The following FGF13 variants were observed in gnomAD, a reference collection of about 807,000 sequenced individuals.
FGF13 encodes fibroblast growth factor 13.
In FGF13, 2 loss-of-function variants were observed where a neutral mutation model predicts 19.5. That is an observed-to-expected ratio of 0.10 (90% CI 0.04 to 0.32). FGF13 has a LOEUF of 0.32. Ranked by LOEUF, FGF13 falls within the 10% of genes least tolerant of loss-of-function variation. FGF13 has a pLI of 1.00. For synonymous variants in FGF13, 72 were observed against 76.9 expected, an observed-to-expected ratio of 0.94 and a Z score of 0.33; for missense variants, 113 against 192.7, an observed-to-expected ratio of 0.59 and a Z score of 2.45.
At chrX:138,954,518 G>A (rs745411785) in intron 1 of FGF13, among the ~76,000 whole-genome samples, 8 of 111,360 alleles carry the variant, frequency 7.2e-5, no homozygotes. Flanking sequence ...ATTAATGCCT[G>A]TTTCAAATAT....
chrX:138,659,671 A>G (rs1244473523), intron 3 of FGF13, among the ~76,000 whole-genome samples: 2 of 112,238 alleles, frequency 1.8e-5, no homozygotes, highest in African/African-American at 6.5e-5. Context: ...ATGCCCATCA[A>G]TGATAGACTG....
At chrX:138,785,176 G>A (rs1454517868) in intron 3 of FGF13, among the ~76,000 whole-genome samples, 3 of 111,474 alleles carry the variant, frequency 2.7e-5, no homozygotes, top group African/African-American at 6.5e-5. Flanking sequence ...TCCTTACTTC[G>A]CTCCATGGCT....
chrX:138,901,930 T>C (rs754670913), intron 1 of FGF13, among the ~76,000 whole-genome samples: 17 of 112,283 alleles, frequency 1.5e-4, no homozygotes, highest in Admixed American at 2.8e-4. Context: ...AAATAATGGC[T>C]AATGGAGGAA....
At chrX:139,115,079 C>T (rs1056628126) in intron 1 of FGF13, among the ~76,000 whole-genome samples, 22 of 111,570 alleles carry the variant, frequency 2.0e-4, no homozygotes, top group African/African-American at 7.2e-4. Flanking sequence ...AGTGGTATGT[C>T]AACCTGAAAA....
chrX:138,922,664 C>CTTG (rs759421211), intron 1 of FGF13, among the ~76,000 whole-genome samples: 1 of 112,003 alleles, frequency 8.9e-6, no homozygotes, highest in Non-Finnish European at 1.9e-5. Context: ...TAGACATATA[C>CTTG]TTGATTCCTG....
Position 138,682,292 on chromosome X carries a change from T to C in FGF13, c.402+20692A>G, listed in dbSNP as rs571078679. ...AGCTGTCTATAAGTATATTTTGAAATGGAAAATATAATGCATTGCCATGTC... is the reference window on the plus strand; with the variant it reads ...AGCTGTCTATAAGTATATTTTGAAACGGAAAATATAATGCATTGCCATGTC... On this transcript the variant is annotated intron_variant, in intron 3 of 4. Coordinates refer to ENST00000315930, the MANE Select transcript of FGF13 (RefSeq NM_004114.5). Among the ~76,000 whole-genome samples the C allele has an allele frequency of 4.4e-5, 5 of 112,509 alleles. No individual in the cohort carries two copies. The South Asian group carries it at 1.5e-3, about 33-fold the overall frequency.
chrX:138,838,105 C>T (rs2091125258), intron 3 of FGF13, among the ~76,000 whole-genome samples: 1 of 111,948 alleles, frequency 8.9e-6, no homozygotes, highest in Admixed American at 9.4e-5. Context: ...GGCGCCCCAC[C>T]CTTCCCCCAG....
intron 1 of FGF13, among the ~76,000 whole-genome samples, chrX:139,016,514 T>C (rs2092153846): frequency 1.8e-5 from 2 of 111,827 alleles, no homozygotes; most frequent in Non-Finnish European, 3.8e-5. Context: ...AGTGATGGAG[T>C]TGTCCCAGCA....
chrX:138,872,382 C>T (rs17001804), intron 1 of FGF13, among the ~76,000 whole-genome samples: 11,381 of 111,000 alleles, frequency 0.1, 1,440 homozygotes, highest in African/African-American at 0.35. Flanking sequence ...AAATAGGTAC[C>T]CGGCAAATAT....
intron 2 of FGF13, among the ~76,000 whole-genome samples, chrX:138,706,591 G>A (rs1159185142): frequency 5.4e-5 from 6 of 110,486 alleles, no homozygotes; most frequent in Non-Finnish European, 9.5e-5. Flanking sequence ...ATAGTATCAC[G>A]AATACATATT....
chrX:139,097,288 T>G (rs956365221), intron 1 of FGF13, among the ~76,000 whole-genome samples: 1 of 110,826 alleles, frequency 9.0e-6, no homozygotes, highest in African/African-American at 3.3e-5. Context: ...TAAAATACAC[T>G]AAGACTAATG....
intron 3 of FGF13, among the ~76,000 whole-genome samples, chrX:138,845,708 T>A (rs1257473818): frequency 9.0e-6 from 1 of 111,384 alleles, no homozygotes; most frequent in African/African-American, 3.3e-5. Context: ...CACTAAATAT[T>A]CTGGGTACAT....
At chrX:138,674,829 A>C (rs987052583) in intron 3 of FGF13, among the ~76,000 whole-genome samples, 1 of 111,383 alleles carries the variant, frequency 9.0e-6, no homozygotes, top group Non-Finnish European at 1.9e-5. Flanking sequence ...CAAGGAACTG[A>C]GATGGCAGAG....
intron 3 of FGF13, among the ~76,000 whole-genome samples, chrX:138,838,662 T>A (rs1312967671): frequency 8.9e-6 from 1 of 111,886 alleles, no homozygotes; most frequent in Non-Finnish European, 1.9e-5. Context: ...GTGTTTACTG[T>A]CCTTTCCATT....
intron 1 of FGF13, among the ~76,000 whole-genome samples, chrX:138,722,467 T>G (rs1369035595): frequency 9.0e-6 from 1 of 111,105 alleles, no homozygotes; most frequent in Non-Finnish European, 1.9e-5. Context: ...AATTGGTCCA[T>G]GAGAGGACAG....
At chrX:138,996,929 G>C (rs1393397560) in intron 1 of FGF13, among the ~76,000 whole-genome samples, 1 of 111,809 alleles carries the variant, frequency 8.9e-6, no homozygotes, top group African/African-American at 3.3e-5. Context: ...ATACAGAAGA[G>C]CTTTGGCTGG....
At chrX:139,087,765 C>T (rs2083413673) in intron 1 of FGF13, among the ~76,000 whole-genome samples, 1 of 112,142 alleles carries the variant, frequency 8.9e-6, no homozygotes, top group Non-Finnish European at 1.9e-5. Context: ...ACAGCAGTTT[C>T]TGTGTCTGTG....
At chrX:138,823,617 C>A (rs1310656135) in intron 3 of FGF13, among the ~76,000 whole-genome samples, 1 of 111,885 alleles carries the variant, frequency 8.9e-6, no homozygotes, top group Non-Finnish European at 1.9e-5. Context: ...CTTTTAGAAG[C>A]AAGGGGCACC....
At chrX:138,937,562 T>A (rs867251789) in intron 1 of FGF13, among the ~76,000 whole-genome samples, 1 of 112,303 alleles carries the variant, frequency 8.9e-6, no homozygotes, top group Non-Finnish European at 1.9e-5. Flanking sequence ...AATATTTGTA[T>A]GTAGCTATGT....
Sources: gnomAD v4.1 joint callset for allele counts (sites outside exome capture counted in the v4.1 genomes callset) on GRCh38, gnomAD v4.1.1 for gene constraint, MANE v1.5 for transcripts, NCBI Gene and HGNC (gene_info 2026-07-23, HGNC 2026-07-21) for gene names.